AVPR1B: variants seen among roughly 807,000 people sequenced by gnomAD.
AVPR1B encodes vasopressin V1b receptor.
AVPR1B carries 25 observed loss-of-function variants against 27.5 expected under a neutral mutation model. The ratio of observed to expected loss-of-function variants is 0.91; its 90% CI spans 0.66 to 1.27. The LOEUF is 1.27. Ranked by LOEUF, AVPR1B falls within the 50% of genes most tolerant of loss-of-function variation. The probability of loss-of-function intolerance (pLI) is 0.00; values close to 1 mark genes in which losing one functional copy is unlikely to be tolerated. For missense variants in AVPR1B, 595 were observed against 556.9 expected (o/e 1.07, Z -0.69); for synonymous variants, 248 against 240.2 (o/e 1.03, Z -0.30).
rs1034319217 is a variant in AVPR1B, at chr1:206,108,600, G to T, written c.*1589C>A. ...GTATAGAGCTCATGACTTTACAAAT[G>T]ACTTTTATATCCACAGTCCTATTTG... On this transcript the variant is annotated 3_prime_UTR_variant, in exon 2 of 2. Coordinates refer to ENST00000367126, the MANE Select transcript of AVPR1B (RefSeq NM_000707.5). Among the ~76,000 whole-genome samples, 3 of 152,184 alleles carry T rather than the reference G, an allele frequency of 2.0e-5. No homozygotes were observed. Among genetic ancestry groups the T allele is most frequent in the African/African-American group, 7.2e-5 (3 of 41,444 alleles).
In AVPR1B at chr1:206,117,138, A is replaced by G; in HGVS notation, c.-248T>C. 2 of 523,224 alleles carry G rather than the reference A, an allele frequency of 3.8e-6. No individual in the cohort carries two copies. The highest frequency in any genetic ancestry group is 5.4e-5 in the South Asian group (2 of 36,902). The allele number at this position is 523,224 out of a possible 1,614,324, so 32.4% of individuals were successfully genotyped here. A position where few individuals can be genotyped will look rare whatever the true frequency, so the allele number is the denominator to read the frequency against. ...GGAGAGGGAGAAGGAGGGGTCAGGA[A>G]GATGGGGAATCAGGACGGGAAGAAT... On this transcript the variant is annotated 5_prime_UTR_variant, in exon 1 of 2. Coordinates refer to ENST00000367126, the MANE Select transcript of AVPR1B (RefSeq NM_000707.5).
rs1663303456 is a variant in AVPR1B, at chr1:206,107,775, CT to C, written c.*2413del. Among the ~76,000 whole-genome samples the C allele has an allele frequency of 3.9e-5, 6 of 152,216 alleles. No individual in the cohort carries two copies. The highest frequency in any genetic ancestry group is 6.5e-5 in the Admixed American group (1 of 15,288). ...TCTTTTCCTCTCTGAACTGTAGACT[CT>C]TTTGGGTCAGGACCCTGGAGGTCAT... is the stretch of plus-strand genomic sequence containing the variant. On this transcript the variant is annotated 3_prime_UTR_variant, in exon 2 of 2. Transcript: ENST00000367126.
At chr1:206,115,694 C>T (rs1286738787) in intron 1 of AVPR1B, among the ~76,000 whole-genome samples, 3 of 152,176 alleles carry the variant, frequency 2.0e-5, no homozygotes, top group African/African-American at 4.8e-5. Context: ...TTCATTAGTA[C>T]CACCTAGTAT....
rs111819019 is a variant in AVPR1B, at chr1:206,108,124, AG to A, written c.*2064del. Among the ~76,000 whole-genome samples the A allele has an allele frequency of 6.6e-6, 1 of 151,160 alleles. No homozygotes were observed. The highest frequency in any genetic ancestry group is 1.5e-5 in the Non-Finnish European group (1 of 67,876). ...GAAACTGTGGTCTAAAGATGGGGCA[AG>A]GGGGTGGGGAGGCCGCTTTTGTAAG... On this transcript the variant is annotated 3_prime_UTR_variant, in exon 2 of 2. Transcript: ENST00000367126.
chr1:206,115,821 A>G, intron 1 of AVPR1B, 130 bp downstream of exon 1: 1 of 836,372 alleles, frequency 1.2e-6, no homozygotes, highest in Non-Finnish European at 1.8e-6. Flanking sequence ...TGGAGCAGGC[A>G]CCATCTTCCT....
rs781796043 is a variant in AVPR1B at position 206,116,306 on chromosome 1, C to G, written c.585G>C (p.Gly195=). 11 of 1,613,552 alleles carry G rather than the reference C, an allele frequency of 6.8e-6. No homozygotes were observed. Among genetic ancestry groups the G allele is most frequent in the Middle Eastern group, 1.6e-4 (1 of 6,062 alleles). Residue 195 remains glycine (G), a synonymous_variant, in exon 1 of 2, where the codon GGG becomes GGC. Coordinates refer to ENST00000367126, the MANE Select transcript of AVPR1B (RefSeq NM_000707.5). ...DCWADFGFPW[G]PRAYLTWTTL... ...TGGTCCAGGTGAGGTAGGCCCGTGG[C>G]CCCCAAGGGAAGCCGAAGTCTGCCC...
chr1:206,109,195 G>T lies in AVPR1B; in HGVS notation c.*994C>A, dbSNP rs1046090981. The stretch of plus-strand genomic sequence containing the variant: ...AGGCAGAGCTGAGATTCAAACCCGG[G>T]CTCCTAACTGGATCACAGCATCCAT... On this transcript the variant is annotated 3_prime_UTR_variant, in exon 2 of 2. Transcript: ENST00000367126. Among the ~76,000 whole-genome samples the T allele has an allele frequency of 2.0e-5, 3 of 152,172 alleles. No individual in the cohort carries two copies. The highest frequency in any genetic ancestry group is 4.4e-5 in the Non-Finnish European group (3 of 68,016).
rs1571885782 is a variant in AVPR1B at position 206,117,165 on chromosome 1, G to A, written c.-275C>T. 3 of 470,550 alleles carry A rather than the reference G, an allele frequency of 6.4e-6. No homozygotes were observed. Among genetic ancestry groups the A allele is most frequent in the Non-Finnish European group, 1.1e-5 (3 of 265,404 alleles). 29.1% of individuals were successfully genotyped at this position (470,550 alleles called of 1,614,324 possible). On this transcript the variant is annotated 5_prime_UTR_variant, in exon 1 of 2. Coordinates refer to ENST00000367126, the MANE Select transcript of AVPR1B (RefSeq NM_000707.5). ...ATGGGGAATCAGGACGGGAAGAATG[G>A]GGGACGCTGTGCAGAGTGAGGCTTC...
intron 1 of AVPR1B, among the ~76,000 whole-genome samples, chr1:206,110,736 T>G (rs576839331): frequency 2.0e-5 from 3 of 152,286 alleles, no homozygotes; most frequent in African/African-American, 7.2e-5. Context: ...ATTTTGTTTG[T>G]TTGTTTTTGT....
At chr1:206,110,898 G>A (rs535267901) in intron 1 of AVPR1B, among the ~76,000 whole-genome samples, 51 of 152,298 alleles carry the variant, frequency 3.3e-4, no homozygotes, top group Non-Finnish European at 5.7e-4. Context: ...TGTAGACCTA[G>A]AATGAGACAA....
chr1:206,115,931 C>T lies in AVPR1B; in HGVS notation c.940+20G>A. ...TTTCTGTCTCTCCCACCTCACTGCC[C>T]CCACATAGACCCCACTTGCCTTCAT... On this transcript the variant is annotated intron_variant, in intron 1 of 1. Transcript: ENST00000367126. 6.4e-7 allele frequency: 1 copy of T among 1,574,250 alleles called. No homozygotes were observed. Among genetic ancestry groups the T allele is most frequent in the Non-Finnish European group, 8.7e-7 (1 of 1,156,008 alleles).
Position 206,116,260 on chromosome 1 carries a change from GCAGAA to G in AVPR1B, c.626_630del (p.Val209AlafsTer15), listed in dbSNP as rs1558185852. ...TAGCAGGCCGTGAGCATGGTCACCG[GCAGAA>G]CGAAGATAGCCAGGGTGGTCCAGGT... On this transcript the variant is annotated frameshift_variant, in exon 1 of 2. Transcript: ENST00000367126. LOFTEE classifies it high-confidence loss of function. 6.2e-7 allele frequency: 1 copy of G among 1,613,684 alleles called. No homozygotes were observed. The highest frequency in any genetic ancestry group is 1.7e-5 in the Admixed American group (1 of 60,032).
chr1:206,115,850 G>A, intron 1 of AVPR1B, 101 bp downstream of exon 1: 2 of 1,208,542 alleles, frequency 1.7e-6, no homozygotes, highest in South Asian at 1.7e-5. Flanking sequence ...CCACTAGTTT[G>A]TCACCTGCCT....
rs149631562 is a variant in AVPR1B, at chr1:206,116,018, G to A, written c.873C>T (p.Ile291=). 9.9e-6 allele frequency: 16 copies of A among 1,614,138 alleles called. No homozygotes were observed. Among genetic ancestry groups the A allele is most frequent in the Middle Eastern group, 3.3e-4 (2 of 6,062 alleles). Residue 291 remains isoleucine (I), a synonymous_variant, in exon 1 of 2, where the codon ATC becomes ATT. Transcript: ENST00000367126. ...KMTFVIVLAY[I]ACWAPFFSVQ... ...CACTGAAGAAGGGAGCCCAGCAAGC[G>A]ATGTAGGCCAGCACGATGACAAAGG...
rs1663343302 is a variant in AVPR1B, at chr1:206,110,008, C to T, written c.*181G>A. On this transcript the variant is annotated 3_prime_UTR_variant, in exon 2 of 2. Coordinates refer to ENST00000367126, the MANE Select transcript of AVPR1B (RefSeq NM_000707.5). ...TGAGATTGGGAGCTTATGAGGCAGC[C>T]CTCACACTAGGGGCAGCTGTGACAC... is the stretch of plus-strand genomic sequence containing the variant. 3.0e-6 allele frequency: 2 copies of T among 657,654 alleles called. No homozygotes were observed. The highest frequency in any genetic ancestry group is 5.1e-6 in the Non-Finnish European group (2 of 390,694). The allele number at this position is 657,654 out of a possible 1,614,324, so 40.7% of individuals were successfully genotyped here.
chr1:206,113,331 G>C (rs1663410199), intron 1 of AVPR1B, among the ~76,000 whole-genome samples: 1 of 152,180 alleles, frequency 6.6e-6, no homozygotes, highest in African/African-American at 2.4e-5. Flanking sequence ...AAACAAGCAG[G>C]CTCTGACCAA....
chr1:206,107,705 A>G lies in AVPR1B; in HGVS notation c.*2484T>C, dbSNP rs1663302596. ...AGGGGATCTATAGAAGGCAAAGGGT[A>G]GACAAGAAAGTGCTTTAGTCAGCCT... On this transcript the variant is annotated 3_prime_UTR_variant, in exon 2 of 2. Transcript: ENST00000367126. 6.6e-6 allele frequency among the ~76,000 whole-genome samples: 1 copy of G among 152,226 alleles called. No individual in the cohort carries two copies. The highest frequency in any genetic ancestry group is 2.4e-5 in the African/African-American group (1 of 41,470).
rs1450604301 is a variant in AVPR1B, at chr1:206,107,603, C to A, written c.*2586G>T. Among the ~76,000 whole-genome samples the A allele has an allele frequency of 6.6e-6, 1 of 152,202 alleles. No individual in the cohort carries two copies. Among genetic ancestry groups the A allele is most frequent in the African/African-American group, 2.4e-5 (1 of 41,446 alleles). ...AAGTGTAGCCTTTCCATGGGAGGAA[C>A]AATGAGGGCTCCAAAGCCACCACCC... On this transcript the variant is annotated 3_prime_UTR_variant, in exon 2 of 2. Transcript: ENST00000367126.
Position 206,116,985 on chromosome 1 carries a change from G to T in AVPR1B, c.-95C>A. 8.5e-7 allele frequency: 1 copy of T among 1,171,820 alleles called. No individual in the cohort carries two copies. Among genetic ancestry groups the T allele is most frequent in the Non-Finnish European group, 1.2e-6 (1 of 816,420 alleles). The allele number at this position is 1,171,820 out of a possible 1,614,324, so 72.6% of individuals were successfully genotyped here. A position where few individuals can be genotyped will look rare whatever the true frequency, so the allele number is the denominator to read the frequency against. The stretch of plus-strand genomic sequence containing the variant: ...AATGGAGTGGCAGGGGAGGTGGAGA[G>T]AAAGGAGAAGCGTTGAGAATGACAG... On this transcript the variant is annotated 5_prime_UTR_variant, in exon 1 of 2. Transcript: ENST00000367126.
Sources: gnomAD v4.1 joint callset for allele counts (sites outside exome capture counted in the v4.1 genomes callset) on GRCh38, gnomAD v4.1.1 for gene constraint, MANE v1.5 for transcripts, NCBI Gene and HGNC (gene_info 2026-07-23, HGNC 2026-07-21) for gene names.